The following UNC13C variants were observed in gnomAD, a reference collection of about 807,000 sequenced individuals.
UNC13C encodes unc-13 homolog C, also known as protein unc-13 homolog C.
A neutral mutation model predicts 245.4 loss-of-function variants in UNC13C; 174 were observed. The observed-to-expected ratio is 0.71, with a 90% confidence interval of 0.63 to 0.80. The LOEUF is 0.80. UNC13C is among the 30% of genes least tolerant of loss of function. UNC13C has a pLI of 0.00. For missense variants in UNC13C, 2,829 were observed against 2,602.9 expected (o/e 1.09, Z -1.89); for synonymous variants, 992 against 895.1 (o/e 1.11, Z -1.93).
intron 2 of UNC13C, among the ~76,000 whole-genome samples, chr15:54,133,808 G>A (rs1207648663): frequency 1.3e-5 from 2 of 151,962 alleles, no homozygotes; most frequent in East Asian, 1.9e-4. Context: ...ATACATATAT[G>A]ATTATCTGCA....
chr15:54,182,006 C>T (rs2033816995), intron 4 of UNC13C, among the ~76,000 whole-genome samples: 2 of 151,730 alleles, frequency 1.3e-5, no homozygotes, highest in African/African-American at 4.8e-5. Flanking sequence ...TTCTTCTTTG[C>T]CTATTTTATT....
chr15:54,329,893 G>A (rs969991376), intron 14 of UNC13C, among the ~76,000 whole-genome samples: 15 of 152,110 alleles, frequency 9.9e-5, no homozygotes, highest in Middle Eastern at 3.4e-3. Context: ...AGAAACTCAT[G>A]AAATACATTT....
chr15:54,355,930 A>G (rs2039085208), intron 17 of UNC13C, among the ~76,000 whole-genome samples: 1 of 152,194 alleles, frequency 6.6e-6, no homozygotes, highest in African/African-American at 2.4e-5. Context: ...TGTATATATG[A>G]AGACACGTAC....
chr15:54,553,678 A>G (rs1164179442), intron 28 of UNC13C, among the ~76,000 whole-genome samples: 2 of 151,104 alleles, frequency 1.3e-5, no homozygotes, highest in Non-Finnish European at 3.0e-5. Context: ...TTGGGCAATA[A>G]CTCATTGCTG....
At chr15:54,280,598 CTT>C (rs1165225807) in intron 10 of UNC13C, among the ~76,000 whole-genome samples, 7 of 149,304 alleles carry the variant, frequency 4.7e-5, no homozygotes, top group East Asian at 2.0e-4. Context: ...CTCTCTCTCT[CTT>C]GCTCTCTCTC....
chr15:54,279,485 C>T (rs1301890674), intron 10 of UNC13C, among the ~76,000 whole-genome samples: 2 of 152,104 alleles, frequency 1.3e-5, no homozygotes, highest in African/African-American at 2.4e-5. Flanking sequence ...TTGCCTCTCC[C>T]GATTCAAGTT....
intron 4 of UNC13C, among the ~76,000 whole-genome samples, chr15:54,161,646 A>G (rs1384109522): frequency 6.6e-6 from 1 of 152,030 alleles, no homozygotes; most frequent in African/African-American, 2.4e-5. Context: ...TTTGTCAGTT[A>G]TCATTAAAAT....
intron 4 of UNC13C, among the ~76,000 whole-genome samples, chr15:54,148,026 A>T (rs1056206600): frequency 9.2e-5 from 14 of 152,162 alleles, no homozygotes; most frequent in African/African-American, 3.4e-4. Context: ...CATGATTCTG[A>T]ACTAGGCTGG....
chr15:54,118,110 A>G (rs1408880069), intron 2 of UNC13C, among the ~76,000 whole-genome samples: 2 of 146,792 alleles, frequency 1.4e-5, no homozygotes, highest in African/African-American at 5.2e-5. Context: ...TTATTTTCAG[A>G]AAAAAAAAAG....
chr15:54,535,001 C>T, intron 26 of UNC13C, among the ~76,000 whole-genome samples: 1 of 152,208 alleles, frequency 6.6e-6, no homozygotes, highest in Admixed American at 6.5e-5. Context: ...ACTACACAAT[C>T]AAGTCTGCAT....
chr15:54,415,323 C>T (rs959563272), intron 19 of UNC13C, among the ~76,000 whole-genome samples: 6 of 152,096 alleles, frequency 3.9e-5, no homozygotes, highest in Non-Finnish European at 7.4e-5. Context: ...GGATTATGCT[C>T]ATATGCAAGA....
At chr15:53,884,223 C>T in the UNC13C span, among the ~76,000 whole-genome samples, 2 of 152,152 alleles carry the variant, frequency 1.3e-5, no homozygotes, top group African/African-American at 2.4e-5. Context: ...GACGAAGGGA[C>T]CTGTCCAGGT....
intron 16 of UNC13C, among the ~76,000 whole-genome samples, chr15:54,335,639 C>A (rs74015170): frequency 0.037 from 5,619 of 152,160 alleles, 146 homozygotes; most frequent in African/African-American, 0.052. Flanking sequence ...TAAATGAAAT[C>A]ATACACGATG....
rs762407325 is a variant in UNC13C at position 54,338,419 on chromosome 15, C to T, written c.4643C>T (p.Ala1548Val). ...ASMVVKDCVR[A>V]CLDSTYKYIF... The stretch of plus-strand genomic sequence containing the variant: ...ATGGTGGTGAAGGACTGTGTAAGGG[C>T]TTGCCTGGATTCTACATACAAGTAT... Residue 1548 changes from alanine to valine, a missense_variant, in exon 17 of 33, where the codon GCT (alanine) becomes GTT (valine). Transcript: ENST00000260323. 5.0e-6 allele frequency: 8 copies of T among 1,613,898 alleles called. No individual in the cohort carries two copies. The highest frequency in any genetic ancestry group is 5.9e-6 in the Non-Finnish European group (7 of 1,179,844).
At chr15:54,624,802 C>T (rs1432350539) in intron 32 of UNC13C, among the ~76,000 whole-genome samples, 1 of 151,886 alleles carries the variant, frequency 6.6e-6, no homozygotes, top group East Asian at 1.9e-4. Flanking sequence ...AGAGTAATTC[C>T]CGAAAACACT....
At chr15:54,126,032 C>A (rs959999707) in intron 2 of UNC13C, among the ~76,000 whole-genome samples, 1 of 151,904 alleles carries the variant, frequency 6.6e-6, no homozygotes, top group African/African-American at 2.4e-5. Context: ...AAAAAATGTT[C>A]AAGTAATCCA....
intron 2 of UNC13C, among the ~76,000 whole-genome samples, chr15:54,029,302 A>G (rs763897306): frequency 2.0e-5 from 3 of 152,214 alleles, no homozygotes; most frequent in Non-Finnish European, 2.9e-5. Context: ...AAATAAGTCA[A>G]TCAACATTTA....
chr15:54,503,504 C>A (rs768526834), intron 22 of UNC13C, among the ~76,000 whole-genome samples: 1 of 150,550 alleles, frequency 6.6e-6, no homozygotes, highest in African/African-American at 2.4e-5. Flanking sequence ...AATCTCCGCT[C>A]ACTGCAACCT....
chr15:54,593,099 A>G lies in UNC13C; in HGVS notation c.6106+25152A>G, dbSNP rs914747858. ...TTCACTGGATACAAAATTCTTGGCT[A>G]ATAATTGTTTTATTTGAGGAGGCTG... On this transcript the variant is annotated intron_variant, in intron 30 of 32. Transcript: ENST00000260323. Among the ~76,000 whole-genome samples, 3 of 152,194 alleles carry G rather than the reference A, an allele frequency of 2.0e-5. No homozygotes were observed. In the South Asian group the frequency reaches 6.2e-4, roughly 32 times the overall value.
Sources: allele counts gnomAD v4.1 joint callset (sites outside exome capture counted in the v4.1 genomes callset), GRCh38; gene constraint gnomAD v4.1.1; transcripts MANE v1.5; gene names NCBI Gene and HGNC (gene_info 2026-07-23, HGNC 2026-07-21).